SMC5: variants seen among roughly 807,000 people sequenced by gnomAD.
The protein encoded by SMC5 is structural maintenance of chromosomes 5.
SMC5 carries 88 observed loss-of-function variants against 148.3 expected under a neutral mutation model. That is an observed-to-expected ratio of 0.59 (90% CI 0.50 to 0.71). SMC5 has a LOEUF of 0.71. Among genes scored for constraint, SMC5 ranks in the 30% least tolerant of loss-of-function variants. The pLI, the probability that SMC5 is intolerant of heterozygous loss-of-function variation, is 0.00. For missense variants in SMC5, 1,142 were observed against 1,298.9 expected (o/e 0.88, Z 1.86); for synonymous variants, 421 against 432.8 (o/e 0.97, Z 0.34).
intron 12 of SMC5, 144 bp from the exon 13 acceptor site, chr9:70,315,302 A>G: frequency 6.9e-6 from 2 of 291,428 alleles, no homozygotes; most frequent in Non-Finnish European, 1.1e-5. Context: ...ATGTGATTTT[A>G]AAATATAAAA....
chr9:70,326,325 C>G (rs1358580353), intron 17 of SMC5, among the ~76,000 whole-genome samples: 1 of 152,122 alleles, frequency 6.6e-6, no homozygotes, highest in Admixed American at 6.5e-5. Context: ...GAATTGTACA[C>G]TTCAAGTGAG....
intron 4 of SMC5, 111 bp from the exon 5 acceptor site, chr9:70,278,380 A>G: frequency 1.0e-6 from 1 of 958,390 alleles, no homozygotes; most frequent in Non-Finnish European, 1.5e-6. Flanking sequence ...TATATCTCAA[A>G]TGTTTTTTTT....
At chr9:70,274,609 A>G (rs1430139472) in intron 3 of SMC5, among the ~76,000 whole-genome samples, 1 of 151,938 alleles carries the variant, frequency 6.6e-6, no homozygotes, top group Non-Finnish European at 1.5e-5. Context: ...TAATCAATTT[A>G]CAAATATATG....
At chr9:70,302,028 A>T (rs139526462) in intron 10 of SMC5, among the ~76,000 whole-genome samples, 74 of 152,346 alleles carry the variant, frequency 4.9e-4, no homozygotes, top group African/African-American at 1.6e-3. Context: ...ACTCACAAAC[A>T]GAGGGAACAT....
intron 2 of SMC5, 144 bp downstream of exon 2, chr9:70,264,589 A>G (rs2117961452): frequency 4.2e-6 from 3 of 719,152 alleles, no homozygotes; most frequent in Non-Finnish European, 6.4e-6. Context: ...TAGAGAAGCT[A>G]GAAGGAGATT....
intron 3 of SMC5, 97 bp downstream of exon 3, chr9:70,268,072 T>C: frequency 2.3e-6 from 2 of 855,808 alleles, no homozygotes; most frequent in East Asian, 2.8e-5. Context: ...AATATAGTAT[T>C]ATGGCATAAA....
Position 70,336,747 on chromosome 9 carries a change from TA to T in SMC5, c.2398-7393del, listed in dbSNP as rs560200141. On this transcript the variant is annotated intron_variant, in intron 17 of 24. Transcript: ENST00000361138. ...TTGTTCCATATAGGAAATGTTGTTA[TA>T]AAAGAGGTTTCATGAAGAAGTTGAC... Among the ~76,000 whole-genome samples the T allele has an allele frequency of 3.9e-3, 597 of 152,310 alleles. 3 individuals are homozygous for T. The highest frequency in any genetic ancestry group is 0.013 in the African/African-American group (553 of 41,564).
chr9:70,348,781 T>A (rs193273215), intron 22 of SMC5, among the ~76,000 whole-genome samples: 31 of 152,248 alleles, frequency 2.0e-4, no homozygotes, highest in African/African-American at 7.0e-4. Context: ...TGCATTGCAA[T>A]TTGGGCTAAA....
At chr9:70,329,188 C>T (rs2036160284) in intron 17 of SMC5, among the ~76,000 whole-genome samples, 1 of 152,212 alleles carries the variant, frequency 6.6e-6, no homozygotes, top group Admixed American at 6.5e-5. Context: ...ACATTTGGCT[C>T]TTCTTTACTT....
intron 17 of SMC5, among the ~76,000 whole-genome samples, chr9:70,324,991 G>A (rs2036041145): frequency 6.6e-6 from 1 of 152,064 alleles, no homozygotes; most frequent in South Asian, 2.1e-4. Context: ...GCCCTACCAG[G>A]CTTCAGTACT....
chr9:70,288,307 A>G (rs2034963577), intron 8 of SMC5, among the ~76,000 whole-genome samples: 1 of 152,110 alleles, frequency 6.6e-6, no homozygotes, highest in Admixed American at 6.6e-5. Context: ...CCTGGTAAAT[A>G]ATTTAATACT....
chr9:70,296,264 T>G (rs2118360755), intron 8 of SMC5, among the ~76,000 whole-genome samples: 1 of 152,264 alleles, frequency 6.6e-6, no homozygotes, highest in East Asian at 1.9e-4. Flanking sequence ...GTGATGCCAT[T>G]TAGTAAAAAG....
At chr9:70,341,251 CCAAA>C (rs777149270) in intron 17 of SMC5, among the ~76,000 whole-genome samples, 5 of 152,038 alleles carry the variant, frequency 3.3e-5, no homozygotes, top group African/African-American at 1.2e-4. Context: ...ACATATGCCA[CCAAA>C]CAAACTATTA....
At chr9:70,317,245 CT>C (rs1564055604) in intron 13 of SMC5, among the ~76,000 whole-genome samples, 1 of 151,762 alleles carries the variant, frequency 6.6e-6, no homozygotes, top group African/African-American at 2.4e-5. Context: ...TAAAAGTATA[CT>C]CTTTATGTTT....
At chr9:70,326,879 AT>A (rs913187658) in intron 17 of SMC5, among the ~76,000 whole-genome samples, 3 of 152,114 alleles carry the variant, frequency 2.0e-5, no homozygotes. Context: ...TGCAAAAAAA[AT>A]CATGTACTGT....
In SMC5 at chr9:70,264,297, A is replaced by G. The variant is rs747982013; in HGVS notation, c.186-7A>G. 1.2e-6 allele frequency: 2 copies of G among 1,606,248 alleles called. No homozygotes were observed. The highest frequency in any genetic ancestry group is 1.7e-6 in the Non-Finnish European group (2 of 1,176,074). ...CTCCTTAATAATTTCATCTCTTTAT[A>G]ATTCAGAACATATGATATTTGTGAA... On this transcript the variant is annotated splice_polypyrimidine_tract_variant and splice_region_variant and intron_variant, in intron 1 of 24. Coordinates refer to ENST00000361138, the MANE Select transcript of SMC5 (RefSeq NM_015110.4).
At chr9:70,347,210 C>T (rs763210962) in intron 20 of SMC5, 49 bp downstream of exon 20, 2 of 1,456,994 alleles carry the variant, frequency 1.4e-6, no homozygotes, top group South Asian at 2.3e-5. Flanking sequence ...CCACCACCAC[C>T]CTCCCCATAC....
At chr9:70,260,741 CT>C (rs779616990) in intron 1 of SMC5, among the ~76,000 whole-genome samples, 1 of 152,082 alleles carries the variant, frequency 6.6e-6, no homozygotes, top group African/African-American at 2.4e-5. Context: ...TGAGAAAGGG[CT>C]TTGTAAAGAA....
intron 17 of SMC5, among the ~76,000 whole-genome samples, chr9:70,333,172 T>C (rs2036267511): frequency 6.6e-6 from 1 of 152,208 alleles, no homozygotes; most frequent in Admixed American, 6.5e-5. Flanking sequence ...ACCAAAATGC[T>C]AATAGAACCA....
Sources: allele counts gnomAD v4.1 joint callset (sites outside exome capture counted in the v4.1 genomes callset), GRCh38; gene constraint gnomAD v4.1.1; transcripts MANE v1.5; gene names NCBI Gene and HGNC (gene_info 2026-07-23, HGNC 2026-07-21).